The following PRKCE variants were observed in gnomAD, a reference collection of about 807,000 sequenced individuals.
The protein encoded by PRKCE is protein kinase C epsilon type.
A neutral mutation model predicts 85.4 loss-of-function variants in PRKCE; 16 were observed. The observed-to-expected ratio is 0.19, with a 90% confidence interval of 0.13 to 0.28. PRKCE has a LOEUF of 0.28. PRKCE is among the 10% of genes least tolerant of loss of function. The probability of loss-of-function intolerance (pLI) is 1.00; values close to 1 mark genes in which losing one functional copy is unlikely to be tolerated. For missense variants in PRKCE, 573 were observed against 975.2 expected, an observed-to-expected ratio of 0.59 and a Z score of 5.49; for synonymous variants, 388 against 371.5, an observed-to-expected ratio of 1.04 and a Z score of -0.51.
intron 10 of PRKCE, among the ~76,000 whole-genome samples, chr2:46,081,136 C>T (rs1005295250): frequency 1.3e-5 from 2 of 152,052 alleles, no homozygotes; most frequent in South Asian, 2.1e-4. Flanking sequence ...GAACTACAGG[C>T]GTGCACCACG....
chr2:45,670,155 C>G (rs1268868789), intron 1 of PRKCE, among the ~76,000 whole-genome samples: 2 of 152,156 alleles, frequency 1.3e-5, no homozygotes, highest in Non-Finnish European at 2.9e-5. Context: ...ACACCCCCAC[C>G]CAGTAAGTCG....
chr2:46,002,478 C>G (rs975966155), intron 7 of PRKCE, among the ~76,000 whole-genome samples: 1 of 152,224 alleles, frequency 6.6e-6, no homozygotes, highest in Admixed American at 6.5e-5. Context: ...TCCTGGTCAT[C>G]TTGTCATGTT....
chr2:45,879,225 C>T (rs954401787), intron 2 of PRKCE, among the ~76,000 whole-genome samples: 6 of 152,182 alleles, frequency 3.9e-5, no homozygotes, highest in South Asian at 2.1e-4. Flanking sequence ...TTCAGAGGGA[C>T]GGCTTGATGG....
chr2:45,723,318 C>A (rs1680778698), intron 1 of PRKCE, among the ~76,000 whole-genome samples: 1 of 152,130 alleles, frequency 6.6e-6, no homozygotes, highest in Non-Finnish European at 1.5e-5. Context: ...GAGCCAGCAT[C>A]CAGTTCACAT....
intron 2 of PRKCE, among the ~76,000 whole-genome samples, chr2:45,954,758 G>A (rs1329844725): frequency 1.3e-5 from 2 of 152,150 alleles, no homozygotes; most frequent in South Asian, 4.1e-4. Context: ...GCTCTTGTAG[G>A]CCCTTTAGGG....
At chr2:45,728,088 T>A (rs931409747) in intron 1 of PRKCE, among the ~76,000 whole-genome samples, 4 of 152,230 alleles carry the variant, frequency 2.6e-5, no homozygotes, top group African/African-American at 9.6e-5. Context: ...TATCTTTTCT[T>A]TTCAAGCCTG....
chr2:45,983,570 C>G (rs926486907), intron 5 of PRKCE, among the ~76,000 whole-genome samples: 3 of 152,168 alleles, frequency 2.0e-5, no homozygotes, highest in Admixed American at 6.5e-5. Flanking sequence ...TCTTCCACCC[C>G]TGAGGTCTCA....
At chr2:45,854,696 A>G (rs1692540770) in intron 2 of PRKCE, among the ~76,000 whole-genome samples, 1 of 152,212 alleles carries the variant, frequency 6.6e-6, no homozygotes, top group African/African-American at 2.4e-5. Flanking sequence ...TCCATGAGAA[A>G]GTTTCCTAAT....
intron 10 of PRKCE, among the ~76,000 whole-genome samples, chr2:46,018,693 T>C (rs1174995135): frequency 1.3e-5 from 2 of 152,242 alleles, no homozygotes; most frequent in African/African-American, 4.8e-5. Context: ...TCGATGTGTA[T>C]CATTCCAGTT....
chr2:45,817,595 G>A (rs991058597), intron 1 of PRKCE, among the ~76,000 whole-genome samples: 1 of 152,152 alleles, frequency 6.6e-6, no homozygotes, highest in African/African-American at 2.4e-5. Context: ...TCAGGAGGCT[G>A]AGGCAGGAGA....
At chr2:46,003,181 T>C (rs2104742234) in intron 7 of PRKCE, among the ~76,000 whole-genome samples, 1 of 152,356 alleles carries the variant, frequency 6.6e-6, no homozygotes, top group African/African-American at 2.4e-5. Context: ...AGGAGTGCCC[T>C]TGGTCTGAAG....
intron 2 of PRKCE, among the ~76,000 whole-genome samples, chr2:45,856,375 C>T (rs1336649190): frequency 1.3e-5 from 2 of 152,138 alleles, no homozygotes; most frequent in Non-Finnish European, 1.5e-5. Context: ...GGATTACAGG[C>T]ATCTGCCACC....
intron 1 of PRKCE, among the ~76,000 whole-genome samples, chr2:45,782,682 T>A (rs1558665746): frequency 6.6e-6 from 1 of 152,104 alleles, no homozygotes; most frequent in Non-Finnish European, 1.5e-5. Context: ...CCACTTTTCT[T>A]CCTCACCAGC....
chr2:46,169,693 C>T (rs370294713), intron 14 of PRKCE, among the ~76,000 whole-genome samples: 2 of 152,210 alleles, frequency 1.3e-5, no homozygotes, highest in African/African-American at 2.4e-5. Context: ...CTCCGTCCCC[C>T]CTAGCGCAGC....
At chr2:45,733,856 C>T (rs1372537118) in intron 1 of PRKCE, among the ~76,000 whole-genome samples, 2 of 152,226 alleles carry the variant, frequency 1.3e-5, no homozygotes, top group East Asian at 3.9e-4. Flanking sequence ...CACTTGGGGC[C>T]TGCTGGCCCC....
chr2:45,848,181 C>T (rs989570580), intron 2 of PRKCE, among the ~76,000 whole-genome samples: 3 of 152,200 alleles, frequency 2.0e-5, no homozygotes, highest in African/African-American at 7.2e-5. Context: ...GATTCAAGCC[C>T]CACTGGAGCT....
At position 45,829,849 on chromosome 2, in the gene PRKCE, G is replaced by A. The variant is rs1023033051; in HGVS notation, c.349-13151G>A. Among the ~76,000 whole-genome samples the A allele has an allele frequency of 7.2e-5, 11 of 151,970 alleles. No homozygotes were observed. In the South Asian group the frequency reaches 1.0e-3, roughly 14 times the overall value. ...AGCACTTTGGGAGGCCGAGGCGGGC[G>A]GATCACGAGGTCAGGAGATCGAGAC... On this transcript the variant is annotated intron_variant, in intron 1 of 14. Coordinates refer to ENST00000306156, the MANE Select transcript of PRKCE (RefSeq NM_005400.3).
intron 10 of PRKCE, among the ~76,000 whole-genome samples, chr2:46,074,983 C>T (rs1358969191): frequency 6.6e-6 from 1 of 152,188 alleles, no homozygotes; most frequent in Non-Finnish European, 1.5e-5. Context: ...TGGGCTTTGG[C>T]TGGGTTGGGG....
intron 2 of PRKCE, among the ~76,000 whole-genome samples, chr2:45,968,539 C>T (rs1033217631): frequency 6.6e-6 from 1 of 152,216 alleles, no homozygotes; most frequent in Non-Finnish European, 1.5e-5. Flanking sequence ...GTACACAACT[C>T]AGGTGACAGG....
Sources: allele counts gnomAD v4.1 joint callset (sites outside exome capture counted in the v4.1 genomes callset), GRCh38; gene constraint gnomAD v4.1.1; transcripts MANE v1.5; gene names NCBI Gene and HGNC (gene_info 2026-07-23, HGNC 2026-07-21).